ATP6V0A1: variants seen among roughly 807,000 people sequenced by gnomAD.
ATP6V0A1 encodes V-type proton ATPase 116 kDa subunit a 1.
In ATP6V0A1, 43 loss-of-function variants were observed where a neutral mutation model predicts 105.4. That is an observed-to-expected ratio of 0.41 (90% CI 0.32 to 0.53). The LOEUF (loss-of-function observed/expected upper bound fraction) is 0.53, where lower values mean the gene tolerates loss of function less well. Ranked by LOEUF, ATP6V0A1 falls within the 20% of genes least tolerant of loss-of-function variation. The pLI is 0.30. For missense variants in ATP6V0A1, 676 were observed against 1,051.1 expected (o/e 0.64, Z 4.93); for synonymous variants, 362 against 372.8 (o/e 0.97, Z 0.33).
chr17:42,494,648 C>T (rs2090985929), intron 12 of ATP6V0A1, 175 bp downstream of exon 12: 3 of 757,476 alleles, frequency 4.0e-6, no homozygotes, highest in East Asian at 2.8e-5. Context: ...GTAGTGTGTG[C>T]CTGTAGTCCC....
intron 5 of ATP6V0A1, among the ~76,000 whole-genome samples, chr17:42,474,855 AAAAT>A (rs1364162448): frequency 6.6e-6 from 1 of 152,230 alleles, no homozygotes; most frequent in Non-Finnish European, 1.5e-5. Flanking sequence ...TGTAAGGTGA[AAAAT>A]AAACATATTG....
intron 2 of ATP6V0A1, among the ~76,000 whole-genome samples, chr17:42,463,847 T>C (rs34460267): frequency 0.26 from 39,238 of 152,118 alleles, 5,248 homozygotes; most frequent in South Asian, 0.4. Context: ...TTGTATGTTA[T>C]ATGTATTGTA....
At chr17:42,520,793 G>A (rs1040712268) in intron 21 of ATP6V0A1, 10 of 517,714 alleles carry the variant, frequency 1.9e-5, no homozygotes, top group African/African-American at 5.8e-5. Context: ...CACACTGCTC[G>A]GCAGGACAGA....
chr17:42,520,957 C>A lies in ATP6V0A1; in HGVS notation c.2421-70C>A, dbSNP rs572860915. ...GTGGGCACGGGGCATCTTTCCTGCCCAACTGTGAAGTCCTAAAAAGCTTCA... is the reference window on the plus strand; with the variant it reads ...GTGGGCACGGGGCATCTTTCCTGCCAAACTGTGAAGTCCTAAAAAGCTTCA... On this transcript the variant is annotated intron_variant, in intron 21 of 21. Transcript: ENST00000343619. 1.3e-5 allele frequency: 18 copies of A among 1,380,596 alleles called. No homozygotes were observed. The African/African-American group carries it at 2.6e-4, about 20-fold the overall frequency. The allele number at this position is 1,380,596 out of a possible 1,614,324, so 85.5% of individuals were successfully genotyped here. A position where few individuals can be genotyped will look rare whatever the true frequency, so the allele number is the denominator to read the frequency against.
chr17:42,474,340 A>T (rs1206679397), intron 5 of ATP6V0A1, among the ~76,000 whole-genome samples: 2 of 148,864 alleles, frequency 1.3e-5, no homozygotes, highest in East Asian at 2.0e-4. Flanking sequence ...TTTTTTTTCC[A>T]GTCTCTGGAA....
chr17:42,461,896 A>G (rs2145603935), intron 2 of ATP6V0A1, among the ~76,000 whole-genome samples: 1 of 151,998 alleles, frequency 6.6e-6, no homozygotes. Context: ...CTTATGCTGT[A>G]CTTCAGTCAT....
chr17:42,501,839 G>C (rs552917136), intron 17 of ATP6V0A1, among the ~76,000 whole-genome samples: 1 of 152,000 alleles, frequency 6.6e-6, no homozygotes, highest in South Asian at 2.1e-4. Context: ...TTTGAGACCA[G>C]CCTGGCCAAC....
Position 42,508,558 on chromosome 17 carries a change from T to C in ATP6V0A1, c.2113-14T>C. The C allele has an allele frequency of 6.2e-7, 1 of 1,614,006 alleles. No individual in the cohort carries two copies. Among genetic ancestry groups the C allele is most frequent in the East Asian group, 2.2e-5 (1 of 44,888 alleles). ...GGCGTGGCTCCCCACTAAGTGTAAA[T>C]TTGTGTTTTCAAGCCTTCCGAGGAC... On this transcript the variant is annotated splice_polypyrimidine_tract_variant and intron_variant, in intron 18 of 21. Coordinates refer to ENST00000343619, the MANE Select transcript of ATP6V0A1 (RefSeq NM_001130021.3).
chr17:42,505,021 T>C lies in ATP6V0A1; in HGVS notation c.2005-2499T>C, dbSNP rs2091926933. 2.0e-5 allele frequency among the ~76,000 whole-genome samples: 3 copies of C among 152,032 alleles called. No homozygotes were observed. In the South Asian group the frequency reaches 6.2e-4, roughly 31 times the overall value. On this transcript the variant is annotated intron_variant, in intron 17 of 21. Coordinates refer to ENST00000343619, the MANE Select transcript of ATP6V0A1 (RefSeq NM_001130021.3). ...AAGTTAGTGTATCTTGAAGATTGTTTCATAGTGATAATCACTTTTTTTTTT... is the reference window on the plus strand; with the variant it reads ...AAGTTAGTGTATCTTGAAGATTGTTCCATAGTGATAATCACTTTTTTTTTT...
intron 19 of ATP6V0A1, among the ~76,000 whole-genome samples, chr17:42,513,083 G>A (rs1019349324): frequency 6.6e-6 from 1 of 152,148 alleles, no homozygotes; most frequent in Non-Finnish European, 1.5e-5. Flanking sequence ...CCTTTATTCT[G>A]GAAATAATTC....
intron 13 of ATP6V0A1, 62 bp from the exon 14 acceptor site, chr17:42,495,564 T>C: frequency 7.5e-7 from 1 of 1,336,876 alleles, no homozygotes; most frequent in Non-Finnish European, 1.1e-6. Context: ...GGTCAGTTTC[T>C]GGACCCTTGT....
intron 21 of ATP6V0A1, 77 bp from the exon 22 acceptor site, chr17:42,520,950 T>G (rs1391062029): frequency 3.8e-6 from 5 of 1,329,204 alleles, no homozygotes; most frequent in South Asian, 2.8e-5. Flanking sequence ...GGGGCATCTT[T>G]CCTGCCCAAC....
At chr17:42,508,662 G>A (rs2092174078) in intron 19 of ATP6V0A1, 73 bp downstream of exon 19, 7 of 1,592,776 alleles carry the variant, frequency 4.4e-6, no homozygotes, top group Non-Finnish European at 6.0e-6. Flanking sequence ...TCACTCTGCT[G>A]ACCCTGCCAC....
At position 42,470,080 on chromosome 17, in the gene ATP6V0A1, T is replaced by A. The variant is rs1019014059; in HGVS notation, c.295-10T>A. 1 of 1,590,640 alleles carries A rather than the reference T, an allele frequency of 6.3e-7. No homozygotes were observed. Reference sequence around the variant, plus strand: ...GAGCTTAGCTTAATATATTTTCTTATTTCATCTAGGCCAATTTTGAGAAGA... The same window carrying A: ...GAGCTTAGCTTAATATATTTTCTTAATTCATCTAGGCCAATTTTGAGAAGA... On this transcript the variant is annotated splice_polypyrimidine_tract_variant and intron_variant, in intron 4 of 21. Transcript: ENST00000343619.
At chr17:42,504,560 G>T (rs2091896450) in intron 17 of ATP6V0A1, among the ~76,000 whole-genome samples, 1 of 152,184 alleles carries the variant, frequency 6.6e-6, no homozygotes. Context: ...TCTGAGGGTT[G>T]CCAGGTGGAA....
chr17:42,485,372 T>C (rs1321528628), intron 9 of ATP6V0A1, among the ~76,000 whole-genome samples: 1 of 152,182 alleles, frequency 6.6e-6, no homozygotes, highest in Non-Finnish European at 1.5e-5. Context: ...TGGTAGTCAT[T>C]ATAACTGACC....
At chr17:42,505,145 C>T (rs187578417) in intron 17 of ATP6V0A1, among the ~76,000 whole-genome samples, 159 of 152,108 alleles carry the variant, frequency 1.0e-3, no homozygotes, top group African/African-American at 3.7e-3. Flanking sequence ...AAGCAATTCT[C>T]CTGCCTCAGC....
At chr17:42,478,071 T>C (rs898518614) in intron 6 of ATP6V0A1, among the ~76,000 whole-genome samples, 1 of 152,020 alleles carries the variant, frequency 6.6e-6, no homozygotes, top group African/African-American at 2.4e-5. Context: ...GGGACATGGA[T>C]GAAGCTGGAA....
rs1168187446 is a variant in ATP6V0A1, at chr17:42,500,698, C to G, written c.1680-9C>G. The G allele has an allele frequency of 1.9e-6, 3 of 1,604,764 alleles. No individual in the cohort carries two copies. Among genetic ancestry groups the G allele is most frequent in the Non-Finnish European group, 2.6e-6 (3 of 1,172,192 alleles). On this transcript the variant is annotated splice_polypyrimidine_tract_variant and intron_variant, in intron 15 of 21. Transcript: ENST00000343619. Reference sequence around the variant, plus strand: ...TTACCCTTAACATTTTTTTCTCTCTCCTTTTTAGCTATTTCAAGAAGCCCC... The same window carrying G: ...TTACCCTTAACATTTTTTTCTCTCTGCTTTTTAGCTATTTCAAGAAGCCCC...
Sources: gnomAD v4.1 joint callset for allele counts (sites outside exome capture counted in the v4.1 genomes callset) on GRCh38, gnomAD v4.1.1 for gene constraint, MANE v1.5 for transcripts, NCBI Gene and HGNC (gene_info 2026-07-23, HGNC 2026-07-21) for gene names.